Variants in RAB38 observed in about 807,000 individuals in gnomAD.
RAB38 encodes the protein RAB38, member RAS oncogene family, also known as ras-related protein Rab-38.
In RAB38, 15 loss-of-function variants were observed where a neutral mutation model predicts 18.4. That is an observed-to-expected ratio of 0.82 (90% confidence interval 0.55 to 1.26). RAB38 has a LOEUF of 1.26. Among genes scored for constraint, RAB38 ranks in the 50% most tolerant of loss-of-function variants. RAB38 has a pLI of 0.00. For synonymous variants in RAB38, 101 were observed against 104.4 expected (o/e 0.97, Z 0.20); for missense variants, 294 against 267.4 (o/e 1.10, Z -0.69).
At chr11:88,077,365 A>G in the RAB38 span, among the ~76,000 whole-genome samples, 2 of 152,174 alleles carry the variant, frequency 1.3e-5, no homozygotes, top group African/African-American at 4.8e-5. Context: ...AAAAAAAACA[A>G]CAAAGCTGGA....
chr11:87,919,386 A>T, the RAB38 span, among the ~76,000 whole-genome samples: 3 of 151,760 alleles, frequency 2.0e-5, no homozygotes, highest in Non-Finnish European at 4.4e-5. Flanking sequence ...TATTTTATTA[A>T]TGTGATATAT....
the RAB38 span, among the ~76,000 whole-genome samples, chr11:87,956,800 A>T: frequency 6.6e-6 from 1 of 152,008 alleles, no homozygotes; most frequent in Non-Finnish European, 1.5e-5. Context: ...ACTGCACCAA[A>T]CCTGGAGAGA....
chr11:87,873,672 T>A, the RAB38 span, among the ~76,000 whole-genome samples: 1 of 151,470 alleles, frequency 6.6e-6, no homozygotes, highest in Non-Finnish European at 1.5e-5. Context: ...GTTTTGCATG[T>A]GGACATCCAG....
At chr11:88,005,177 C>G in the RAB38 span, among the ~76,000 whole-genome samples, 1 of 151,206 alleles carries the variant, frequency 6.6e-6, no homozygotes, top group Non-Finnish European at 1.5e-5. Context: ...CTCAGAATAA[C>G]AAAACGTTCT....
the RAB38 span, among the ~76,000 whole-genome samples, chr11:88,072,937 C>A: frequency 6.6e-6 from 1 of 152,078 alleles, no homozygotes; most frequent in Non-Finnish European, 1.5e-5. Context: ...GAGGAAAAGA[C>A]AATTCCTGGG....
the RAB38 span, among the ~76,000 whole-genome samples, chr11:88,030,577 A>G: frequency 7.2e-5 from 11 of 152,238 alleles, no homozygotes; most frequent in Non-Finnish European, 1.3e-4. Context: ...AATACAAACT[A>G]CCATCAGAGA....
intron 2 of RAB38, among the ~76,000 whole-genome samples, chr11:88,125,068 C>T (rs1231206172): frequency 6.6e-6 from 1 of 152,202 alleles, no homozygotes; most frequent in Non-Finnish European, 1.5e-5. Context: ...GTGTAGTCTT[C>T]TCTCTGATCA....
chr11:87,868,578 G>GGAGAGAGAGAGAGAGAGAGAGAGAGAGA, the RAB38 span, among the ~76,000 whole-genome samples: 2 of 59,190 alleles, frequency 3.4e-5, no homozygotes, highest in East Asian at 5.7e-4. Flanking sequence ...AAGGAGTGAG[G>GGAGAGAGAGAGAGAGAGAGAGAGAGAGA]GAGAGAGAGA....
chr11:87,950,111 T>A, the RAB38 span, among the ~76,000 whole-genome samples: 12 of 152,336 alleles, frequency 7.9e-5, no homozygotes, highest in African/African-American at 2.6e-4. Flanking sequence ...TAGTTACCTC[T>A]TCTTGTTGAA....
chr11:87,977,591 AATT>A, the RAB38 span, among the ~76,000 whole-genome samples: 2 of 118,330 alleles, frequency 1.7e-5, no homozygotes, highest in African/African-American at 6.7e-5. Flanking sequence ...ATTTTATAAT[AATT>A]ATGTACTATA....
the RAB38 span, among the ~76,000 whole-genome samples, chr11:88,085,796 C>A: frequency 2.0e-5 from 3 of 151,910 alleles, no homozygotes; most frequent in Non-Finnish European, 2.9e-5. Context: ...ATAAGGCGTA[C>A]AAAGCCTGAA....
At chr11:88,023,133 C>T in the RAB38 span, among the ~76,000 whole-genome samples, 1 of 151,812 alleles carries the variant, frequency 6.6e-6, no homozygotes, top group South Asian at 2.1e-4. Context: ...TAAACTTGAG[C>T]TTGTACCCCT....
the RAB38 span, among the ~76,000 whole-genome samples, chr11:87,854,898 C>T: frequency 6.6e-6 from 1 of 152,016 alleles, no homozygotes; most frequent in Admixed American, 6.6e-5. Context: ...AGGTTCATGC[C>T]ATTCTCCTGC....
At chr11:88,014,161 T>G in the RAB38 span, among the ~76,000 whole-genome samples, 8 of 152,176 alleles carry the variant, frequency 5.3e-5, no homozygotes, top group African/African-American at 1.7e-4. Context: ...TGCCAGGTCT[T>G]AATGCAGTTA....
At chr11:88,025,894 A>AT in the RAB38 span, among the ~76,000 whole-genome samples, 5 of 151,780 alleles carry the variant, frequency 3.3e-5, no homozygotes, top group South Asian at 2.1e-4. Flanking sequence ...CCATTTGTCA[A>AT]TTTTTTTGTT....
the RAB38 span, among the ~76,000 whole-genome samples, chr11:87,961,151 C>T: frequency 3.9e-5 from 6 of 152,090 alleles, no homozygotes; most frequent in South Asian, 2.1e-4. Context: ...GCACTTGTGG[C>T]GTTGGACCTC....
the RAB38 span, among the ~76,000 whole-genome samples, chr11:87,879,173 A>G: frequency 2.0e-5 from 3 of 151,668 alleles, no homozygotes; most frequent in Admixed American, 6.6e-5. Flanking sequence ...ACCAATTCCT[A>G]CATCAATTAC....
the RAB38 span, among the ~76,000 whole-genome samples, chr11:87,842,375 G>C: frequency 6.6e-6 from 1 of 152,222 alleles, no homozygotes; most frequent in Non-Finnish European, 1.5e-5. Flanking sequence ...GGGGTTTCAG[G>C]AGACAAGTTG....
the RAB38 span, among the ~76,000 whole-genome samples, chr11:88,052,901 CATATATATATATATATATAT>C: frequency 1.4e-3 from 31 of 21,524 alleles, 1 homozygote; most frequent in Non-Finnish European, 2.7e-3. Context: ...GAAAAAATTT[CATATATATATATATATATAT>C]ATATATATAT....
Sources: allele counts gnomAD v4.1 joint callset (sites outside exome capture counted in the v4.1 genomes callset), GRCh38; gene constraint gnomAD v4.1.1; transcripts MANE v1.5; gene names NCBI Gene and HGNC (gene_info 2026-07-23, HGNC 2026-07-21).